MMP16: variants seen among roughly 807,000 people sequenced by gnomAD.
The protein encoded by MMP16 is matrix metallopeptidase 16.
A neutral mutation model predicts 67.8 loss-of-function variants in MMP16; 12 were observed. The ratio of observed to expected loss-of-function variants is 0.18; its 90% CI spans 0.11 to 0.29. The LOEUF (loss-of-function observed/expected upper bound fraction) is 0.29. Among genes scored for constraint, MMP16 ranks in the 10% least tolerant of loss-of-function variants. MMP16 has a pLI of 1.00. For missense variants in MMP16, 475 were observed against 765.7 expected (o/e 0.62, Z 4.48); for synonymous variants, 249 against 255.9 (o/e 0.97, Z 0.26).
chr8:88,295,190 T>C (rs1810993571), intron 1 of MMP16, among the ~76,000 whole-genome samples: 1 of 152,194 alleles, frequency 6.6e-6, no homozygotes, highest in Non-Finnish European at 1.5e-5. Flanking sequence ...ATATGACTAG[T>C]AGTTAACAAA....
intron 1 of MMP16, among the ~76,000 whole-genome samples, chr8:88,241,379 G>A (rs933143339): frequency 1.3e-5 from 2 of 152,044 alleles, no homozygotes; most frequent in Non-Finnish European, 2.9e-5. Flanking sequence ...ATGCATGGAA[G>A]TTTTTTACAT....
At chr8:88,074,566 T>C in intron 7 of MMP16, 39 bp downstream of exon 7, 2 of 1,602,362 alleles carry the variant, frequency 1.2e-6, no homozygotes, top group Non-Finnish European at 1.7e-6. Context: ...TACAAAATGA[T>C]TAAAATACAA....
chr8:88,306,582 C>T (rs927496038), intron 1 of MMP16, among the ~76,000 whole-genome samples: 5 of 152,064 alleles, frequency 3.3e-5, no homozygotes, highest in Admixed American at 2.0e-4. Flanking sequence ...ATATGCACTA[C>T]AATCAAGTTG....
intron 4 of MMP16, among the ~76,000 whole-genome samples, chr8:88,141,919 G>T (rs909173168): frequency 6.9e-6 from 1 of 145,150 alleles, no homozygotes; most frequent in African/African-American, 2.5e-5. Flanking sequence ...ACATAAATAT[G>T]TTTTTTTTTT....
intron 7 of MMP16, among the ~76,000 whole-genome samples, chr8:88,068,660 T>C (rs1295553261): frequency 6.6e-6 from 1 of 152,124 alleles, no homozygotes; most frequent in African/African-American, 2.4e-5. Context: ...TTGATTATTA[T>C]AGCTTTAAAA....
At chr8:88,236,949 T>C (rs1332891404) in intron 1 of MMP16, among the ~76,000 whole-genome samples, 1 of 152,174 alleles carries the variant, frequency 6.6e-6, no homozygotes, top group Non-Finnish European at 1.5e-5. Flanking sequence ...AATAAAATCA[T>C]ATGTCCATAT....
intron 1 of MMP16, among the ~76,000 whole-genome samples, chr8:88,229,221 A>G (rs1233565703): frequency 6.6e-6 from 1 of 152,132 alleles, no homozygotes; most frequent in East Asian, 1.9e-4. Flanking sequence ...ATATTTTGTG[A>G]ATATGCTGAG....
intron 4 of MMP16, among the ~76,000 whole-genome samples, chr8:88,158,907 A>G (rs1808563126): frequency 6.6e-6 from 1 of 152,196 alleles, no homozygotes; most frequent in Non-Finnish European, 1.5e-5. Flanking sequence ...TCCCAGCACC[A>G]TTTATTAAAT....
At chr8:88,121,811 T>A (rs1316276755) in intron 4 of MMP16, among the ~76,000 whole-genome samples, 2 of 152,064 alleles carry the variant, frequency 1.3e-5, no homozygotes. Flanking sequence ...GATAATGAAT[T>A]ATTTGTCATT....
At chr8:88,129,156 G>C (rs992148442) in intron 4 of MMP16, among the ~76,000 whole-genome samples, 1 of 151,752 alleles carries the variant, frequency 6.6e-6, no homozygotes, top group Non-Finnish European at 1.5e-5. Context: ...TACATACATA[G>C]AAGCAACTAA....
At chr8:88,158,091 T>C (rs1373099370) in intron 4 of MMP16, among the ~76,000 whole-genome samples, 1 of 152,144 alleles carries the variant, frequency 6.6e-6, no homozygotes, top group African/African-American at 2.4e-5. Context: ...TTTGGGTTGG[T>C]TCCAAGTCTT....
intron 1 of MMP16, among the ~76,000 whole-genome samples, chr8:88,229,570 G>C (rs1809826529): frequency 6.6e-6 from 1 of 151,960 alleles, no homozygotes; most frequent in Admixed American, 6.6e-5. Flanking sequence ...TTTATTTGCA[G>C]AAGAACAACA....
At chr8:88,221,336 GCA>G (rs1311105778) in intron 1 of MMP16, among the ~76,000 whole-genome samples, 2 of 152,208 alleles carry the variant, frequency 1.3e-5, no homozygotes, top group South Asian at 4.1e-4. Context: ...CACAGTGTAT[GCA>G]CAGTGAAGCC....
At chr8:88,135,269 T>C (rs1344471948) in intron 4 of MMP16, among the ~76,000 whole-genome samples, 1 of 151,798 alleles carries the variant, frequency 6.6e-6, no homozygotes, top group Non-Finnish European at 1.5e-5. Context: ...AAAATACAAA[T>C]AGCTAAAAAT....
rs987183092 is a variant in MMP16 at position 88,040,216 on chromosome 8, C to CT, written c.*1244dup. 1 of 152,298 alleles carries CT rather than the reference C, an allele frequency of 6.6e-6. No individual in the cohort carries two copies. The highest frequency in any genetic ancestry group is 1.5e-5 in the Non-Finnish European group (1 of 67,956). 9.4% of individuals were successfully genotyped at this position (152,298 alleles called of 1,614,324 possible). ...ATTTATGAGAATCTTAATAAAATACCTTTTTTATTTGCCAGAAAAATTTTG... is the reference window on the plus strand; with the variant it reads ...ATTTATGAGAATCTTAATAAAATACCTTTTTTTATTTGCCAGAAAAATTTTG... On this transcript the variant is annotated 3_prime_UTR_variant, in exon 10 of 10. Coordinates refer to ENST00000286614, the MANE Select transcript of MMP16 (RefSeq NM_005941.5).
chr8:88,219,437 C>T (rs1435085379), intron 1 of MMP16, among the ~76,000 whole-genome samples: 1 of 151,912 alleles, frequency 6.6e-6, no homozygotes, highest in Non-Finnish European at 1.5e-5. Flanking sequence ...TTTCAGAGAG[C>T]CAAGAAATGT....
intron 2 of MMP16, among the ~76,000 whole-genome samples, chr8:88,190,409 A>AG (rs1809152358): frequency 6.6e-6 from 1 of 152,180 alleles, no homozygotes; most frequent in African/African-American, 2.4e-5. Flanking sequence ...ATAAGCAGGC[A>AG]GGTTCTTTCT....
intron 1 of MMP16, among the ~76,000 whole-genome samples, chr8:88,290,291 G>T (rs987499211): frequency 2.0e-5 from 3 of 152,062 alleles, no homozygotes; most frequent in African/African-American, 7.2e-5. Flanking sequence ...GGTGGCTCAC[G>T]TCTGTAATCC....
chr8:88,236,912 G>A (rs1381680585), intron 1 of MMP16, among the ~76,000 whole-genome samples: 2 of 152,068 alleles, frequency 1.3e-5, no homozygotes, highest in African/African-American at 2.4e-5. Flanking sequence ...TAGCACTTAA[G>A]GCAAAATTAG....
Sources: gnomAD v4.1 joint callset for allele counts (sites outside exome capture counted in the v4.1 genomes callset) on GRCh38, gnomAD v4.1.1 for gene constraint, MANE v1.5 for transcripts, NCBI Gene and HGNC (gene_info 2026-07-23, HGNC 2026-07-21) for gene names.